Variants in CACNA1D observed in about 807,000 individuals in gnomAD.
The protein encoded by CACNA1D is voltage-dependent L-type calcium channel subunit alpha-1D.
A neutral mutation model predicts 257.1 loss-of-function variants in CACNA1D; 55 were observed. That is an observed-to-expected ratio of 0.21 (90% confidence interval 0.17 to 0.27). The LOEUF (loss-of-function observed/expected upper bound fraction) is 0.27. Ranked by LOEUF, CACNA1D falls within the 10% of genes least tolerant of loss-of-function variation. The pLI is 1.00. For synonymous variants in CACNA1D, 980 were observed against 1,014.9 expected, an observed-to-expected ratio of 0.97 and a Z score of 0.65; for missense variants, 1,876 against 2,784.0, an observed-to-expected ratio of 0.67 and a Z score of 7.34.
At chr3:53,742,163 G>A (rs2095124426) in intron 21 of CACNA1D, among the ~76,000 whole-genome samples, 1 of 152,274 alleles carries the variant, frequency 6.6e-6, no homozygotes, top group South Asian at 2.1e-4. Context: ...ATTTTTGTAG[G>A]TCAAAAAGGG....
intron 3 of CACNA1D, among the ~76,000 whole-genome samples, chr3:53,553,955 G>A (rs1559832124): frequency 6.6e-6 from 1 of 151,828 alleles, no homozygotes; most frequent in East Asian, 1.9e-4. Flanking sequence ...TCAGCACTTT[G>A]GGAGGCCAAG....
rs776940960 is a variant in CACNA1D, at chr3:53,723,711, C to A, written c.1892+52C>A. On this transcript the variant is annotated intron_variant, in intron 13 of 47. Coordinates refer to ENST00000350061, the MANE Select transcript of CACNA1D (RefSeq NM_001128840.3). This position sits in a 1 kb window ranked among gnomAD's most constrained non-coding sequence, Gnocchi z 5.6. ...ATGTTTTATGAACATGAGGCGGCAA[C>A]CAGTCACATCCCCGGGCAGGTGATG... The A allele has an allele frequency of 6.9e-6, 11 of 1,587,738 alleles. No homozygotes were observed. Among genetic ancestry groups the A allele is most frequent in the Non-Finnish European group, 7.8e-6 (9 of 1,155,926 alleles).
At position 53,803,563 on chromosome 3, in the gene CACNA1D, C is replaced by A; in HGVS notation, c.5576C>A (p.Thr1859Asn). 6.2e-7 allele frequency: 1 copy of A among 1,613,998 alleles called. No homozygotes were observed. Among genetic ancestry groups the A allele is most frequent in the South Asian group, 1.1e-5 (1 of 91,088 alleles). The stretch of plus-strand genomic sequence containing the variant: ...TGCTACGAGGATGACAGCTCGCCCA[C>A]CTGGAGCAGGTGAGCTGCTCTGGCT... ...EECYEDDSSPTWSRQNYGYYS... is the reference protein window; with the variant it reads ...EECYEDDSSPNWSRQNYGYYS... Residue 1859 changes from threonine (T) to asparagine (N), a missense_variant, in exon 44 of 48, where the codon ACC (threonine) becomes AAC (asparagine). Physicochemically the swap from Thr to Asn is moderately conservative, Grantham distance 65 (BLOSUM62 0). Around this residue, in one of 10 missense-constraint regions of CACNA1D, gnomAD observed 491 missense variants for 554.3 expected, o/e 0.89. Transcript: ENST00000350061.
intron 3 of CACNA1D, among the ~76,000 whole-genome samples, chr3:53,517,778 G>A (rs116084360): frequency 0.023 from 3,560 of 152,216 alleles, 142 homozygotes; most frequent in African/African-American, 0.081. Context: ...CACCGTGCCC[G>A]GCCATGCATC....
chr3:53,804,184 C>T (rs1361577338), intron 44 of CACNA1D, among the ~76,000 whole-genome samples: 2 of 152,220 alleles, frequency 1.3e-5, no homozygotes, highest in Admixed American at 1.3e-4. Context: ...TGAACCGCAC[C>T]TCACTGTGAC....
intron 16 of CACNA1D, 35 bp from the exon 17 acceptor site, chr3:53,731,042 A>C: frequency 7.8e-7 from 1 of 1,281,746 alleles, no homozygotes. Context: ...TAACATGGTT[A>C]TTTGGTTTCT....
chr3:53,546,416 T>A (rs2107553027), intron 3 of CACNA1D, among the ~76,000 whole-genome samples: 1 of 152,328 alleles, frequency 6.6e-6, no homozygotes, highest in East Asian at 1.9e-4. Flanking sequence ...TTTTCTGTAT[T>A]GACATTGAGT....
At chr3:53,530,810 A>G (rs1286753948) in intron 3 of CACNA1D, among the ~76,000 whole-genome samples, 1 of 151,480 alleles carries the variant, frequency 6.6e-6, no homozygotes, top group African/African-American at 2.4e-5. Context: ...CCAGCATGAA[A>G]TGTCCCCCAC....
At chr3:53,733,021 C>T (rs1252353004) in intron 19 of CACNA1D, 59 bp downstream of exon 19, 3 of 1,586,440 alleles carry the variant, frequency 1.9e-6, no homozygotes, top group Non-Finnish European at 2.6e-6. Context: ...CTACAGGTTG[C>T]TTGAGGGTGG....
intron 5 of CACNA1D, among the ~76,000 whole-genome samples, chr3:53,663,793 C>G (rs2094230679): frequency 6.6e-6 from 1 of 152,094 alleles, no homozygotes; most frequent in Non-Finnish European, 1.5e-5. Flanking sequence ...CTCTCTCTCT[C>G]TCTCTTTTTT....
chr3:53,809,796 C>G (rs1045328127), intron 46 of CACNA1D, 182 bp from the exon 47 acceptor site: 1 of 646,258 alleles, frequency 1.5e-6, no homozygotes, highest in Non-Finnish European at 2.8e-6. Flanking sequence ...GCACAGTCTG[C>G]TAGAAAACAA....
intron 10 of CACNA1D, 191 bp downstream of exon 10, chr3:53,718,579 C>T: frequency 1.5e-6 from 1 of 671,784 alleles, no homozygotes; most frequent in Non-Finnish European, 2.7e-6. Context: ...CTCCCCACCC[C>T]CCGCCCCCCC....
At chr3:53,535,186 G>A (rs564622413) in intron 3 of CACNA1D, among the ~76,000 whole-genome samples, 2 of 152,270 alleles carry the variant, frequency 1.3e-5, no homozygotes, top group African/African-American at 4.8e-5. Context: ...CTCTGGTACA[G>A]CAGCACTGTG....
chr3:53,531,847 CT>C (rs568951702), intron 3 of CACNA1D, among the ~76,000 whole-genome samples: 35 of 152,298 alleles, frequency 2.3e-4, no homozygotes, highest in Admixed American at 6.5e-4. Flanking sequence ...TGCTGGTCTA[CT>C]TTTTTTCTTA....
chr3:53,536,758 C>G (rs907292118), intron 3 of CACNA1D, among the ~76,000 whole-genome samples: 1 of 152,138 alleles, frequency 6.6e-6, no homozygotes, highest in African/African-American at 2.4e-5. Context: ...GAACACAGCC[C>G]CACTCATCCA....
At chr3:53,690,579 G>T (rs1384228379) in intron 8 of CACNA1D, among the ~76,000 whole-genome samples, 2 of 152,210 alleles carry the variant, frequency 1.3e-5, no homozygotes, top group Non-Finnish European at 2.9e-5. Flanking sequence ...GTGCCTTTCA[G>T]TGGGCACTCC....
chr3:53,741,992 T>A (rs2095122730), intron 21 of CACNA1D, among the ~76,000 whole-genome samples: 1 of 152,176 alleles, frequency 6.6e-6, no homozygotes, highest in African/African-American at 2.4e-5. Context: ...CATTCTTCAT[T>A]TTGAAGGTAT....
chr3:53,653,679 T>C (rs2094120437), intron 4 of CACNA1D, among the ~76,000 whole-genome samples: 1 of 151,802 alleles, frequency 6.6e-6, no homozygotes, highest in Admixed American at 6.6e-5. Flanking sequence ...AGAAAATGAA[T>C]ACTGCCTCTG....
At chr3:53,618,209 T>A (rs2093658048) in intron 3 of CACNA1D, among the ~76,000 whole-genome samples, 1 of 152,124 alleles carries the variant, frequency 6.6e-6, no homozygotes, top group Non-Finnish European at 1.5e-5. Context: ...AGTTGTGCTT[T>A]TGGAGAAGCA....
Sources: allele counts gnomAD v4.1 joint callset (sites outside exome capture counted in the v4.1 genomes callset), GRCh38; gene constraint gnomAD v4.1.1; regional missense constraint gnomAD v4.1.1; non-coding constraint Gnocchi (gnomAD v3.1); transcripts MANE v1.5; gene names NCBI Gene and HGNC (gene_info 2026-07-23, HGNC 2026-07-21).